XRCC5: variants seen among roughly 807,000 people sequenced by gnomAD.
The protein encoded by XRCC5 is X-ray repair cross complementing 5, also known as DNA repair protein Ku80.
A neutral mutation model predicts 95.7 loss-of-function variants in XRCC5; 12 were observed. The observed-to-expected ratio is 0.13, with a 90% CI of 0.08 to 0.20. The LOEUF (loss-of-function observed/expected upper bound fraction) is 0.20, where lower values mean the gene tolerates loss of function less well. XRCC5 is among the 10% of genes least tolerant of loss of function. XRCC5 has a pLI of 1.00. For synonymous variants in XRCC5, 281 were observed against 290.3 expected, an observed-to-expected ratio of 0.97 and a Z score of 0.33; for missense variants, 595 against 873.9, an observed-to-expected ratio of 0.68 and a Z score of 4.02.
chr2:216,124,614 A>G (rs1370729012), intron 6 of XRCC5, among the ~76,000 whole-genome samples: 1 of 152,222 alleles, frequency 6.6e-6, no homozygotes, highest in Non-Finnish European at 1.5e-5. Context: ...GCTGGGTGTC[A>G]GGTAAGATAT....
chr2:216,111,239 A>T (rs1450288893), intron 1 of XRCC5, among the ~76,000 whole-genome samples: 1 of 151,780 alleles, frequency 6.6e-6, no homozygotes, highest in Non-Finnish European at 1.5e-5. Flanking sequence ...ATCTGGGGGG[A>T]GGCCAGACAC....
At chr2:216,187,128 G>C (rs1460417570) in intron 16 of XRCC5, among the ~76,000 whole-genome samples, 1 of 152,196 alleles carries the variant, frequency 6.6e-6, no homozygotes, top group Admixed American at 6.5e-5. Flanking sequence ...CCACGTAACT[G>C]AGTATTCCTA....
chr2:216,156,212 C>T (rs758698468), intron 14 of XRCC5: 24 of 430,970 alleles, frequency 5.6e-5, no homozygotes, highest in Non-Finnish European at 9.3e-5. Context: ...CATATGAGTC[C>T]TTGTGATTCG....
At chr2:216,174,652 A>T (rs16855552) in intron 16 of XRCC5, among the ~76,000 whole-genome samples, 18,812 of 152,202 alleles carry the variant, frequency 0.12, 1,357 homozygotes, top group South Asian at 0.28. Context: ...CGTCTAATCG[A>T]CACTATATTG....
intron 19 of XRCC5, among the ~76,000 whole-genome samples, chr2:216,200,111 A>T (rs1001106842): frequency 6.6e-6 from 1 of 152,082 alleles, no homozygotes; most frequent in Admixed American, 6.6e-5. Flanking sequence ...AGCAGAATTG[A>T]CTGGAATCCA....
chr2:216,170,913 T>C (rs1689153281), intron 16 of XRCC5, among the ~76,000 whole-genome samples: 1 of 152,186 alleles, frequency 6.6e-6, no homozygotes, highest in Non-Finnish European at 1.5e-5. Context: ...GGTAGGTCAT[T>C]GTCATGTCAT....
In XRCC5 at chr2:216,190,215, T is replaced by C. The variant is rs1356738271; in HGVS notation, c.1835-10T>C. The C allele has an allele frequency of 1.2e-6, 2 of 1,612,588 alleles. No individual in the cohort carries two copies. Among genetic ancestry groups the C allele is most frequent in the South Asian group, 1.1e-5 (1 of 90,980 alleles). ...TCAAATCTAAGAAAATTTGTTGTCT[T>C]ATGTTTTAGCGAGTAACCAGCTCAT... is the stretch of plus-strand genomic sequence containing the variant. On this transcript the variant is annotated splice_polypyrimidine_tract_variant and intron_variant, in intron 16 of 20. Transcript: ENST00000392132.
chr2:216,157,335 G>A (rs540069464), intron 14 of XRCC5, among the ~76,000 whole-genome samples: 2 of 151,840 alleles, frequency 1.3e-5, no homozygotes, highest in African/African-American at 4.8e-5. Flanking sequence ...CCGGGTTCAC[G>A]CCATTCTCCT....
chr2:216,121,360 CAA>C (rs1223613294), intron 5 of XRCC5, among the ~76,000 whole-genome samples: 3 of 152,136 alleles, frequency 2.0e-5, no homozygotes, highest in Admixed American at 2.0e-4. Context: ...ACCTTAAAAA[CAA>C]ATTTATTTCT....
chr2:216,193,640 G>A (rs778319056), intron 18 of XRCC5, among the ~76,000 whole-genome samples: 2 of 152,172 alleles, frequency 1.3e-5, no homozygotes, highest in Non-Finnish European at 2.9e-5. Context: ...AATCACTTTT[G>A]TGTCTCTGCT....
intron 16 of XRCC5, among the ~76,000 whole-genome samples, chr2:216,173,420 A>G (rs1689206951): frequency 6.6e-6 from 1 of 152,144 alleles, no homozygotes; most frequent in Non-Finnish European, 1.5e-5. Flanking sequence ...GAAAGTTTTT[A>G]TTATGAATGG....
At chr2:216,178,289 A>G (rs139943083) in intron 16 of XRCC5, among the ~76,000 whole-genome samples, 8 of 152,320 alleles carry the variant, frequency 5.3e-5, no homozygotes, top group Admixed American at 2.0e-4. Flanking sequence ...GAAAATGCAA[A>G]TAGTAATATA....
At chr2:216,136,943 A>G in intron 10 of XRCC5, 145 bp from the exon 11 acceptor site, 2 of 861,136 alleles carry the variant, frequency 2.3e-6, no homozygotes, top group South Asian at 2.7e-5. Context: ...TCAAAAGCAA[A>G]TGTGTGCACT....
chr2:216,197,979 A>G (rs1039328612), intron 19 of XRCC5, among the ~76,000 whole-genome samples: 10 of 152,302 alleles, frequency 6.6e-5, no homozygotes, highest in Admixed American at 4.6e-4. Flanking sequence ...GAGTAGTAGA[A>G]TTTTACTTGT....
intron 14 of XRCC5, among the ~76,000 whole-genome samples, chr2:216,154,446 T>C (rs1461880566): frequency 6.6e-6 from 1 of 152,250 alleles, no homozygotes; most frequent in African/African-American, 2.4e-5. Context: ...ACGTAAGCTC[T>C]TAATAGCATC....
chr2:216,193,125 T>C (rs1689649494), intron 18 of XRCC5, among the ~76,000 whole-genome samples: 1 of 152,148 alleles, frequency 6.6e-6, no homozygotes, highest in Non-Finnish European at 1.5e-5. Flanking sequence ...TCACCCAGGT[T>C]TTATCTCCCT....
chr2:216,113,030 G>A lies in XRCC5; in HGVS notation c.36G>A (p.Leu12=). ...VRSGNKAAVV[L]CMDVGFTMSN... is the part of the protein sequence containing the mutation. ...TTTGTTTCCAGGCAGCTGTTGTGCT[G>A]TGTATGGACGTGGGCTTTACCATGA... The change falls in exon 2 of 21, where the codon CTG becomes CTA. Residue 12 remains leucine (L), a synonymous_variant. Transcript: ENST00000392132. The A allele has an allele frequency of 6.2e-7, 1 of 1,613,944 alleles. No individual in the cohort carries two copies. Among genetic ancestry groups the A allele is most frequent in the Non-Finnish European group, 8.5e-7 (1 of 1,179,896 alleles).
rs1559240395 is a variant in XRCC5, at chr2:216,127,588, TA to T, written c.858del (p.Glu287LysfsTer11). The T allele has an allele frequency of 6.2e-7, 1 of 1,612,150 alleles. No individual in the cohort carries two copies. Among genetic ancestry groups the T allele is most frequent in the South Asian group, 1.1e-5 (1 of 90,682 alleles). On this transcript the variant is annotated frameshift_variant, in exon 8 of 21. Transcript: ENST00000392132. LOFTEE classifies it high-confidence loss of function. ...KTWTVVDAKTLKKEDIQKETV... is the reference protein window; with the variant it reads ...KTWTVVDAKTXKKEDIQKETV... ...TGGACAGTTGTGGATGCAAAAACCC[TA>T]AAAAAAGAAGATATACAAAAAGAAA...
chr2:216,119,374 A>T (rs1696766545), intron 5 of XRCC5, among the ~76,000 whole-genome samples: 1 of 152,226 alleles, frequency 6.6e-6, no homozygotes, highest in Non-Finnish European at 1.5e-5. Context: ...AAAAGATGAA[A>T]GTCAGTGATC....
Sources: allele counts gnomAD v4.1 joint callset (sites outside exome capture counted in the v4.1 genomes callset), GRCh38; gene constraint gnomAD v4.1.1; transcripts MANE v1.5; gene names NCBI Gene and HGNC (gene_info 2026-07-23, HGNC 2026-07-21).